TRANK1: variants seen among roughly 807,000 people sequenced by gnomAD.
TRANK1 encodes the protein tetratricopeptide repeat and ankyrin repeat containing 1.
Under a neutral mutation model 266.0 loss-of-function variants are expected in TRANK1, and 198 were observed. The ratio of observed to expected loss-of-function variants is 0.74; its 90% confidence interval spans 0.66 to 0.84. The LOEUF is 0.84. TRANK1 is among the 40% of genes least tolerant of loss of function. The pLI is 0.00. For missense variants in TRANK1, 3,326 were observed against 3,634.6 expected, an observed-to-expected ratio of 0.92 and a Z score of 2.18; for synonymous variants, 1,396 against 1,384.1, an observed-to-expected ratio of 1.01 and a Z score of -0.19.
chr3:36,935,941 G>A (rs1014376423), intron 1 of TRANK1, among the ~76,000 whole-genome samples: 2 of 152,186 alleles, frequency 1.3e-5, no homozygotes, highest in African/African-American at 4.8e-5. Flanking sequence ...TTATTTCACT[G>A]GTGGTATTGG....
rs115870479 is a variant in TRANK1, at chr3:36,867,624, T to C, written c.1079-3144A>G. On this transcript the variant is annotated intron_variant, in intron 9 of 23. Transcript: ENST00000645898. ...TAAGCTTAAAGAGTCAAAAGAAACA[T>C]CAGGAAACAAAGTTGCTTATGCATT... 3.1e-3 allele frequency among the ~76,000 whole-genome samples: 472 copies of C among 152,330 alleles called. 2 individuals carry two copies. The highest frequency in any genetic ancestry group is 9.5e-3 in the African/African-American group (393 of 41,572).
chr3:36,939,558 G>C (rs1196587539), intron 1 of TRANK1, among the ~76,000 whole-genome samples: 1 of 152,084 alleles, frequency 6.6e-6, no homozygotes, highest in Non-Finnish European at 1.5e-5. Flanking sequence ...TAATTTCTAG[G>C]CCTCAGTTTC....
intron 1 of TRANK1, among the ~76,000 whole-genome samples, chr3:36,930,737 T>C (rs2080350228): frequency 1.3e-5 from 2 of 152,086 alleles, no homozygotes; most frequent in African/African-American, 2.4e-5. Flanking sequence ...TGACATTCTA[T>C]AACAGGCAAA....
intron 18 of TRANK1, among the ~76,000 whole-genome samples, chr3:36,842,139 G>A (rs1385017078): frequency 6.6e-6 from 1 of 152,124 alleles, no homozygotes; most frequent in Non-Finnish European, 1.5e-5. Context: ...CACTAACACG[G>A]CTTGTAACTG....
At chr3:36,911,960 G>A (rs1329828323) in intron 1 of TRANK1, among the ~76,000 whole-genome samples, 6 of 152,178 alleles carry the variant, frequency 3.9e-5, no homozygotes, top group African/African-American at 7.2e-5. Flanking sequence ...GCCGAAGCAG[G>A]CAGATTAGCT....
At chr3:36,882,648 A>C (rs1267666999) in intron 8 of TRANK1, among the ~76,000 whole-genome samples, 1 of 152,238 alleles carries the variant, frequency 6.6e-6, no homozygotes, top group Non-Finnish European at 1.5e-5. Context: ...GATAAATCTG[A>C]CTACATAAAA....
chr3:36,842,973 G>A (rs558994558), intron 17 of TRANK1, among the ~76,000 whole-genome samples: 4 of 152,314 alleles, frequency 2.6e-5, no homozygotes, highest in Non-Finnish European at 4.4e-5. Flanking sequence ...GGCGACCCCA[G>A]GGGCAAGAGA....
chr3:36,879,693 T>C (rs977116282), intron 8 of TRANK1, among the ~76,000 whole-genome samples: 1 of 108,322 alleles, frequency 9.2e-6, no homozygotes, highest in South Asian at 2.6e-4. Context: ...TATATAAATA[T>C]ATAAATATAA....
chr3:36,878,914 G>A (rs139913168), intron 8 of TRANK1, among the ~76,000 whole-genome samples: 2,903 of 151,956 alleles, frequency 0.019, 46 homozygotes, highest in Non-Finnish European at 0.031. Context: ...CTGGGTTGTT[G>A]GCAACAATAA....
chr3:36,854,464 T>C (rs1477492397), intron 13 of TRANK1, among the ~76,000 whole-genome samples: 7 of 152,226 alleles, frequency 4.6e-5, no homozygotes, highest in African/African-American at 1.4e-4. Context: ...TTACAGTTTT[T>C]AAACATGTAA....
chr3:36,899,498 G>C (rs2079843789), intron 3 of TRANK1, among the ~76,000 whole-genome samples: 1 of 152,094 alleles, frequency 6.6e-6, no homozygotes, highest in African/African-American at 2.4e-5. Flanking sequence ...CTACTAAAAA[G>C]AAAATAAAAA....
In TRANK1 at chr3:36,857,918, C is replaced by T; in HGVS notation, c.1804G>A (p.Gly602Ser). ...NTLMHILFQK[G>S]MLKRVKKLLD... ...AGCTTCTTCACGCGCTTTAGCATGCCCTTCTGGAAGAGGATGTGCATCAGC... is the reference window on the plus strand; with the variant it reads ...AGCTTCTTCACGCGCTTTAGCATGCTCTTCTGGAAGAGGATGTGCATCAGC... Residue 602 changes from glycine to serine, a missense_variant, in exon 13 of 24, where the codon GGC (glycine) becomes AGC (serine). Transcript: ENST00000645898. The surrounding 1 kb of genome is among the most constrained non-coding windows in gnomAD (Gnocchi z 4.3). 6.2e-7 allele frequency: 1 copy of T among 1,607,696 alleles called. No homozygotes were observed. The highest frequency in any genetic ancestry group is 8.5e-7 in the Non-Finnish European group (1 of 1,179,864).
chr3:36,893,971 T>C (rs1020134724), intron 5 of TRANK1, among the ~76,000 whole-genome samples: 9 of 152,040 alleles, frequency 5.9e-5, no homozygotes, highest in African/African-American at 2.2e-4. Flanking sequence ...GCAACCTCTG[T>C]GATGCCCATT....
At position 36,864,443 on chromosome 3, in the gene TRANK1, G is replaced by A. The variant is rs745907577; in HGVS notation, c.1116C>T (p.Asp372=). 6.5e-6 allele frequency: 10 copies of A among 1,536,534 alleles called. No homozygotes were observed. In the South Asian group the frequency reaches 1.1e-4, roughly 16 times the overall value. The change falls in exon 10 of 24, where the codon GAC becomes GAT. Residue 372 remains aspartate (D), a synonymous_variant. Coordinates refer to ENST00000645898, the MANE Select transcript of TRANK1 (RefSeq NM_001329998.2). ...SNGDGPTSEN[D]IFRKVLEQLV... ...GCTGCTCCAAGACCTTCCTGAAAAT[G>A]TCGTTTTCACTAGTGGGTCCATCAC...
In TRANK1 at chr3:36,855,393, G is replaced by T; in HGVS notation, c.4329C>A (p.Thr1443=). 6.2e-7 allele frequency: 1 copy of T among 1,614,038 alleles called. No homozygotes were observed. The highest frequency in any genetic ancestry group is 8.5e-7 in the Non-Finnish European group (1 of 1,179,906). ...ELYGDEIQDF[T]QAELALLMKC... is the part of the protein sequence containing the mutation. Reference sequence around the variant, plus strand: ...TCATCAGCAGCGCCAGCTCGGCCTGGGTAAAGTCTTGAATCTCATCACCAT... The same window carrying T: ...TCATCAGCAGCGCCAGCTCGGCCTGTGTAAAGTCTTGAATCTCATCACCAT... The change falls in exon 13 of 24, where the codon ACC becomes ACA. Residue 1443 remains threonine, a synonymous_variant. Transcript: ENST00000645898.
chr3:36,874,201 T>A lies in TRANK1; in HGVS notation c.1003A>T (p.Asn335Tyr). 6.5e-7 allele frequency: 1 copy of A among 1,537,386 alleles called. No homozygotes were observed. The highest frequency in any genetic ancestry group is 8.7e-7 in the Non-Finnish European group (1 of 1,146,920). ...TTCTCGATGGCTTTGAAGTTCTTAT[T>A]CCTCTTCAGGACATCCACAACAGAC... ...SRSVVDVLKR[N>Y]KNFKAIEKIN... is the part of the protein sequence containing the mutation. Residue 335 changes from asparagine to tyrosine, a missense_variant, in exon 9 of 24, where the codon AAT (asparagine) becomes TAT (tyrosine). Coordinates refer to ENST00000645898, the MANE Select transcript of TRANK1 (RefSeq NM_001329998.2).
In TRANK1 at chr3:36,908,380, A is replaced by G. The variant is rs1329840567; in HGVS notation, c.98T>C (p.Leu33Ser). The stretch of plus-strand genomic sequence containing the variant: ...GGCTTCATCGTACTTTCTGATGGCC[A>G]AAGAGAAGTTCCCATTCTTAAGAAC... Reference protein sequence around the residue: ...NQVLKNGNFSLAIRKYDEAIQ... With the variant: ...NQVLKNGNFSSAIRKYDEAIQ... The change falls in exon 2 of 24, where the codon TTG becomes TCG. Residue 33 changes from leucine (L) to serine (S), a missense_variant. Coordinates refer to ENST00000645898, the MANE Select transcript of TRANK1 (RefSeq NM_001329998.2). The G allele has an allele frequency of 1.6e-6, 2 of 1,232,114 alleles. No homozygotes were observed. Among genetic ancestry groups the G allele is most frequent in the Non-Finnish European group, 2.0e-6 (2 of 988,014 alleles). The allele number at this position is 1,232,114 out of a possible 1,614,324, so 76.3% of individuals were successfully genotyped here. A position where few individuals can be genotyped will look rare whatever the true frequency, so the allele number is the denominator to read the frequency against.
chr3:36,832,389 A>T lies in TRANK1; in HGVS notation c.7194T>A (p.Asn2398Lys). The part of the protein sequence containing the change: ...GMLAPNRDDE[N>K]MDKTHLCFIR... ...TGAAGCACAGGTGGGTCTTGTCCATATTTTCATCATCCCTGTTGGGTGCCA... is the reference window on the plus strand; with the variant it reads ...TGAAGCACAGGTGGGTCTTGTCCATTTTTTCATCATCCCTGTTGGGTGCCA... The change falls in exon 22 of 24, where the codon AAT (asparagine) becomes AAA (lysine). Residue 2398 changes from asparagine (N) to lysine (K), a missense_variant. By Grantham distance (94) the Asn-to-Lys change is moderately conservative. Coordinates refer to ENST00000645898, the MANE Select transcript of TRANK1 (RefSeq NM_001329998.2). 1 of 1,613,892 alleles carries T rather than the reference A, an allele frequency of 6.2e-7. No homozygotes were observed. Among genetic ancestry groups the T allele is most frequent in the Non-Finnish European group, 8.5e-7 (1 of 1,179,870 alleles).
chr3:36,854,098 C>T (rs1375672162), intron 13 of TRANK1, among the ~76,000 whole-genome samples: 8 of 152,194 alleles, frequency 5.3e-5, no homozygotes, highest in East Asian at 1.9e-4. Flanking sequence ...CGAGGGCTCA[C>T]GCCTGTAATC....
Sources: allele counts gnomAD v4.1 joint callset (sites outside exome capture counted in the v4.1 genomes callset), GRCh38; gene constraint gnomAD v4.1.1; non-coding constraint Gnocchi (gnomAD v3.1); transcripts MANE v1.5; gene names NCBI Gene and HGNC (gene_info 2026-07-23, HGNC 2026-07-21).